Variants in TRPS1 observed in about 807,000 individuals in gnomAD.
TRPS1 encodes zinc finger transcription factor Trps1.
In TRPS1, 6 loss-of-function variants were observed where a neutral mutation model predicts 101.2. The observed-to-expected ratio is 0.06, with a 90% CI of 0.03 to 0.12. TRPS1 has a LOEUF of 0.12. Ranked by LOEUF, TRPS1 falls within the 10% of genes least tolerant of loss-of-function variation. TRPS1 has a pLI of 1.00. For missense variants in TRPS1, 1,363 were observed against 1,567.0 expected (o/e 0.87, Z 2.20); for synonymous variants, 578 against 589.8 (o/e 0.98, Z 0.29).
At chr8:115,495,313 C>A in intron 5 of TRPS1, among the ~76,000 whole-genome samples, 1 of 152,060 alleles carries the variant, frequency 6.6e-6, no homozygotes, top group African/African-American at 2.4e-5. Flanking sequence ...ACACAACTTT[C>A]AAAAAACAGT....
At chr8:115,467,952 A>T (rs377756018) in intron 5 of TRPS1, among the ~76,000 whole-genome samples, 2 of 152,218 alleles carry the variant, frequency 1.3e-5, no homozygotes, top group African/African-American at 4.8e-5. Context: ...GACATCAATT[A>T]GAATGACTGA....
chr8:115,468,901 G>C (rs1586304390), intron 5 of TRPS1, among the ~76,000 whole-genome samples: 2 of 152,006 alleles, frequency 1.3e-5, no homozygotes, highest in East Asian at 3.9e-4. Context: ...ACACTTTGGG[G>C]AACTGAGGAC....
intron 5 of TRPS1, chr8:115,492,194 C>T (rs1226923279): frequency 2.2e-6 from 1 of 455,896 alleles, no homozygotes; most frequent in African/African-American, 2.0e-5. Flanking sequence ...TGACCTTAGG[C>T]AGAATCAGAG....
chr8:115,644,164 T>C (rs552798727), intron 1 of TRPS1, among the ~76,000 whole-genome samples: 26 of 152,372 alleles, frequency 1.7e-4, no homozygotes, highest in African/African-American at 6.3e-4. Flanking sequence ...GAATGCTAAA[T>C]GAGCAATGGA....
intron 1 of TRPS1, among the ~76,000 whole-genome samples, chr8:115,625,282 G>A (rs780602068): frequency 3.9e-5 from 6 of 151,976 alleles, no homozygotes; most frequent in Middle Eastern, 3.4e-3. Flanking sequence ...TCACCTGCTC[G>A]TGTGATCAAG....
At chr8:115,421,725 G>T (rs1009668284) in intron 5 of TRPS1, among the ~76,000 whole-genome samples, 1 of 152,172 alleles carries the variant, frequency 6.6e-6, no homozygotes, top group Non-Finnish European at 1.5e-5. Context: ...AGCAGAGAAG[G>T]TGGGAGAAGT....
Position 115,604,552 on chromosome 8 carries a change from C to T in TRPS1, c.1417G>A (p.Gly473Arg), listed in dbSNP as rs377192542. ...TTAAGGCCGCCTGACTGCACTGCTCCGTGCTGCTTGCCATAATGTTCTAGC... is the reference window on the plus strand; with the variant it reads ...TTAAGGCCGCCTGACTGCACTGCTCTGTGCTGCTTGCCATAATGTTCTAGC... ...KLLEHYGKQH[G>R]AVQSGGLNPE... The change falls in exon 4 of 7, where the codon GGA (glycine) becomes AGA (arginine). Residue 473 changes from glycine to arginine, a missense_variant. This residue lies in a region of TRPS1 where 1,020 missense variants were observed against 1,073.0 expected (regional missense o/e 0.95). Transcript: ENST00000395715. This position sits in a 1 kb window ranked among gnomAD's most constrained non-coding sequence, Gnocchi z 4.1. 61 of 1,613,902 alleles carry T rather than the reference C, an allele frequency of 3.8e-5. No homozygotes were observed. Among genetic ancestry groups the T allele is most frequent in the African/African-American group, 1.1e-4 (8 of 74,896 alleles).
rs923529602 is a variant in TRPS1 at position 115,413,866 on chromosome 8, C to T, written c.*157G>A. The stretch of plus-strand genomic sequence containing the variant: ...CTCACTTTTTAATCTTGGTAACCTA[C>T]TCATCAAAAGAAAGAATAACAAAAG... On this transcript the variant is annotated 3_prime_UTR_variant, in exon 7 of 7. Coordinates refer to ENST00000395715, the MANE Select transcript of TRPS1 (RefSeq NM_014112.5). The T allele has an allele frequency of 1.4e-6, 1 of 695,628 alleles. No individual in the cohort carries two copies. Among genetic ancestry groups the T allele is most frequent in the East Asian group, 2.8e-5 (1 of 36,232 alleles). The allele number at this position is 695,628 out of a possible 1,614,324, so 43.1% of individuals were successfully genotyped here.
chr8:115,606,065 A>G (rs1001131457), intron 3 of TRPS1, among the ~76,000 whole-genome samples: 25 of 152,318 alleles, frequency 1.6e-4, no homozygotes, highest in Admixed American at 7.2e-4. Flanking sequence ...GTAATATATT[A>G]AGCAAGTGGC....
intron 3 of TRPS1, 28 bp downstream of exon 3, chr8:115,619,104 G>A: frequency 6.2e-7 from 1 of 1,610,862 alleles, no homozygotes; most frequent in Non-Finnish European, 8.5e-7. Flanking sequence ...AACTTTTTCT[G>A]TACAAAGAGA....
At position 115,446,366 on chromosome 8, in the gene TRPS1, T is replaced by C. The variant is rs112864994; in HGVS notation, c.2701-27914A>G. Among the ~76,000 whole-genome samples, 727 of 151,226 alleles carry C rather than the reference T, an allele frequency of 4.8e-3. 2 individuals are homozygous for C. Among genetic ancestry groups the C allele is most frequent in the African/African-American group, 0.017 (695 of 41,314 alleles). On this transcript the variant is annotated intron_variant, in intron 5 of 6. Coordinates refer to ENST00000395715, the MANE Select transcript of TRPS1 (RefSeq NM_014112.5). ...AAAAAACCAACCCAAAAACTGTTTC[T>C]TCCCCTGATCTCACACTTTTCACCT...
chr8:115,626,276 A>G (rs1391934133), intron 1 of TRPS1, among the ~76,000 whole-genome samples: 1 of 151,300 alleles, frequency 6.6e-6, no homozygotes, highest in South Asian at 2.1e-4. Context: ...GTGTTTGCTC[A>G]TTGGTTTAGG....
rs981642204 is a variant in TRPS1, at chr8:115,412,663, G to T, written c.*1360C>A. The stretch of plus-strand genomic sequence containing the variant: ...TGGCAAAAAATAAACTACTGGTTGG[G>T]ACAATATAATGCAAATTATTAAAGT... On this transcript the variant is annotated 3_prime_UTR_variant, in exon 7 of 7. Coordinates refer to ENST00000395715, the MANE Select transcript of TRPS1 (RefSeq NM_014112.5). The T allele has an allele frequency of 2.0e-5, 3 of 152,398 alleles. No individual in the cohort carries two copies. The highest frequency in any genetic ancestry group is 2.9e-5 in the Non-Finnish European group (2 of 67,986). 9.4% of individuals were successfully genotyped at this position (152,398 alleles called of 1,614,324 possible).
chr8:115,643,468 A>C (rs575163681), intron 1 of TRPS1, among the ~76,000 whole-genome samples: 2 of 152,282 alleles, frequency 1.3e-5, no homozygotes, highest in Non-Finnish European at 2.9e-5. Context: ...ATCTCAAGAA[A>C]CCACTTTCTT....
At chr8:115,489,717 G>T (rs1814973375) in intron 5 of TRPS1, among the ~76,000 whole-genome samples, 2 of 151,960 alleles carry the variant, frequency 1.3e-5, no homozygotes, top group Non-Finnish European at 2.9e-5. Flanking sequence ...TACTTTATTG[G>T]TCCCTATTAG....
chr8:115,521,585 T>C (rs1815863453), intron 5 of TRPS1, among the ~76,000 whole-genome samples: 1 of 151,914 alleles, frequency 6.6e-6, no homozygotes, highest in Non-Finnish European at 1.5e-5. Context: ...TATACAATAA[T>C]ATCTCTAATA....
intron 1 of TRPS1, among the ~76,000 whole-genome samples, chr8:115,634,314 C>T (rs577211421): frequency 1.3e-5 from 2 of 152,246 alleles, no homozygotes; most frequent in East Asian, 3.9e-4. Context: ...TCTATGAATG[C>T]TTTACATGTT....
At chr8:115,547,929 C>T (rs987208109) in intron 5 of TRPS1, among the ~76,000 whole-genome samples, 5 of 152,212 alleles carry the variant, frequency 3.3e-5, no homozygotes, top group African/African-American at 4.8e-5. Context: ...AAAACTTCTA[C>T]GCATAATAAT....
intron 5 of TRPS1, among the ~76,000 whole-genome samples, chr8:115,584,711 C>T (rs758131917): frequency 2.7e-5 from 4 of 150,034 alleles, no homozygotes; most frequent in Non-Finnish European, 5.9e-5. Flanking sequence ...CCAACTAATA[C>T]CACCAAAGTA....
Sources: gnomAD v4.1 joint callset for allele counts (sites outside exome capture counted in the v4.1 genomes callset) on GRCh38, gnomAD v4.1.1 for gene constraint, gnomAD v4.1.1 regional missense constraint, Gnocchi (gnomAD v3.1) non-coding constraint, MANE v1.5 for transcripts, NCBI Gene and HGNC (gene_info 2026-07-23, HGNC 2026-07-21) for gene names.